The following PTPRK variants were observed in gnomAD, a reference collection of about 807,000 sequenced individuals.
PTPRK encodes the protein protein tyrosine phosphatase receptor type K.
PTPRK carries 75 observed loss-of-function variants against 178.0 expected under a neutral mutation model. That is an observed-to-expected ratio of 0.42 (90% confidence interval 0.35 to 0.51). The LOEUF (loss-of-function observed/expected upper bound fraction) is 0.51. Ranked by LOEUF, PTPRK falls within the 20% of genes least tolerant of loss-of-function variation. The pLI, the probability that PTPRK is intolerant of heterozygous loss-of-function variation, is 0.02. For synonymous variants in PTPRK, 637 were observed against 620.6 expected (o/e 1.03, Z -0.39); for missense variants, 1,441 against 1,797.8 (o/e 0.80, Z 3.59).
chr6:128,380,505 C>A (rs1274209175), intron 2 of PTPRK, among the ~76,000 whole-genome samples: 1 of 149,674 alleles, frequency 6.7e-6, no homozygotes, highest in Admixed American at 6.7e-5. Flanking sequence ...CTAATACATT[C>A]TTGGAAAATC....
intron 14 of PTPRK, among the ~76,000 whole-genome samples, chr6:128,008,516 G>A (rs948343867): frequency 2.0e-5 from 3 of 150,834 alleles, no homozygotes; most frequent in Non-Finnish European, 4.5e-5. Context: ...ATATACTTTG[G>A]TCTCCAGAGC....
chr6:128,459,188 C>A (rs1722172551), intron 1 of PTPRK, among the ~76,000 whole-genome samples: 2 of 151,890 alleles, frequency 1.3e-5, no homozygotes, highest in Admixed American at 1.3e-4. Context: ...TTTTAATATC[C>A]AATAAATCAA....
chr6:128,203,094 G>A (rs1367164738), intron 6 of PTPRK, among the ~76,000 whole-genome samples: 2 of 151,992 alleles, frequency 1.3e-5, no homozygotes, highest in Non-Finnish European at 2.9e-5. Context: ...ATGCAAGGTT[G>A]GTTCAACATA....
intron 13 of PTPRK, among the ~76,000 whole-genome samples, chr6:128,053,187 T>A (rs545444246): frequency 6.7e-6 from 1 of 149,588 alleles, no homozygotes; most frequent in Non-Finnish European, 1.5e-5. Flanking sequence ...CACACACCCC[T>A]ATACACACAG....
At chr6:128,148,007 A>T (rs982392967) in intron 7 of PTPRK, among the ~76,000 whole-genome samples, 1 of 152,298 alleles carries the variant, frequency 6.6e-6, no homozygotes, top group East Asian at 1.9e-4. Context: ...CCACAGAAGA[A>T]TTTGAGTTGA....
intron 6 of PTPRK, among the ~76,000 whole-genome samples, chr6:128,186,595 G>A (rs1342916573): frequency 2.6e-5 from 4 of 152,030 alleles, no homozygotes; most frequent in African/African-American, 7.2e-5. Context: ...CCAATTTCAC[G>A]ACTGAATTCA....
chr6:128,496,785 ATAAAC>A (rs1854733912), intron 1 of PTPRK, among the ~76,000 whole-genome samples: 1 of 152,362 alleles, frequency 6.6e-6, no homozygotes, highest in African/African-American at 2.4e-5. Context: ...ACAAGGTATA[ATAAAC>A]TAATGATGTT....
At chr6:128,020,000 T>C (rs955280187) in intron 13 of PTPRK, among the ~76,000 whole-genome samples, 4 of 152,050 alleles carry the variant, frequency 2.6e-5, no homozygotes, top group Non-Finnish European at 5.9e-5. Context: ...GGTTATGGAG[T>C]TGTTTCATTG....
At chr6:128,442,589 G>A (rs926750654) in intron 1 of PTPRK, among the ~76,000 whole-genome samples, 1 of 152,172 alleles carries the variant, frequency 6.6e-6, no homozygotes, top group Non-Finnish European at 1.5e-5. Context: ...TTCTGGCCCT[G>A]TATACTTGTA....
intron 8 of PTPRK, among the ~76,000 whole-genome samples, chr6:128,085,957 G>A (rs1785730280): frequency 6.6e-6 from 1 of 152,192 alleles, no homozygotes; most frequent in Non-Finnish European, 1.5e-5. Context: ...TTTGAAGGAA[G>A]ATCATGTGTA....
intron 13 of PTPRK, among the ~76,000 whole-genome samples, chr6:128,056,499 A>T (rs1779922520): frequency 6.7e-6 from 1 of 149,784 alleles, no homozygotes; most frequent in Admixed American, 6.7e-5. Flanking sequence ...ATCTTGGCCC[A>T]CTGCAACCTC....
chr6:128,517,952 C>T (rs1473396435), intron 1 of PTPRK, among the ~76,000 whole-genome samples: 1 of 152,152 alleles, frequency 6.6e-6, no homozygotes, highest in African/African-American at 2.4e-5. Flanking sequence ...ATCTTCAATA[C>T]ATCTCTAATC....
At chr6:128,166,244 G>GA (rs1799381261) in intron 7 of PTPRK, among the ~76,000 whole-genome samples, 1 of 151,600 alleles carries the variant, frequency 6.6e-6, no homozygotes, top group Non-Finnish European at 1.5e-5. Flanking sequence ...AATCCCAACA[G>GA]AAAATTTTTT....
intron 3 of PTPRK, among the ~76,000 whole-genome samples, chr6:128,270,135 T>C (rs1311129581): frequency 3.3e-5 from 5 of 152,134 alleles, no homozygotes; most frequent in Non-Finnish European, 4.4e-5. Flanking sequence ...TTATACTTTC[T>C]CATAGTTATA....
chr6:128,214,756 G>A (rs1808933338), intron 6 of PTPRK, among the ~76,000 whole-genome samples: 1 of 152,034 alleles, frequency 6.6e-6, no homozygotes, highest in African/African-American at 2.4e-5. Flanking sequence ...AACAAATCCT[G>A]AAGCCTATCC....
chr6:128,095,829 A>C (rs1215818874), intron 7 of PTPRK, among the ~76,000 whole-genome samples: 1 of 152,222 alleles, frequency 6.6e-6, no homozygotes, highest in Non-Finnish European at 1.5e-5. Context: ...CTTATCTACA[A>C]ACAAAGGCAT....
At chr6:128,209,778 C>G (rs1011611320) in intron 6 of PTPRK, among the ~76,000 whole-genome samples, 2 of 152,036 alleles carry the variant, frequency 1.3e-5, no homozygotes, top group African/African-American at 4.8e-5. Flanking sequence ...TTAGAAAAAG[C>G]CAAGACCCTA....
intron 1 of PTPRK, among the ~76,000 whole-genome samples, chr6:128,507,119 C>T (rs1028419858): frequency 6.6e-6 from 1 of 152,094 alleles, no homozygotes; most frequent in African/African-American, 2.4e-5. Flanking sequence ...CCCACTCAAG[C>T]AGTCAAGTTC....
intron 7 of PTPRK, among the ~76,000 whole-genome samples, chr6:128,138,175 T>A (rs1211491860): frequency 6.6e-6 from 1 of 152,138 alleles, no homozygotes; most frequent in Non-Finnish European, 1.5e-5. Flanking sequence ...TTAGATATTA[T>A]GAAACAAAAG....
Sources: gnomAD v4.1 joint callset for allele counts (sites outside exome capture counted in the v4.1 genomes callset) on GRCh38, gnomAD v4.1.1 for gene constraint, MANE v1.5 for transcripts, NCBI Gene and HGNC (gene_info 2026-07-23, HGNC 2026-07-21) for gene names.